MYT1L: variants seen among roughly 807,000 people sequenced by gnomAD.
MYT1L encodes myelin transcription factor 1-like protein.
A neutral mutation model predicts 126.7 loss-of-function variants in MYT1L; 12 were observed. That is an observed-to-expected ratio of 0.09 (90% confidence interval 0.06 to 0.15). MYT1L has a LOEUF of 0.15. MYT1L is among the 10% of genes least tolerant of loss of function. The pLI is 1.00. For missense variants in MYT1L, 979 were observed against 1,585.2 expected (o/e 0.62, Z 6.49); for synonymous variants, 541 against 604.2 (o/e 0.90, Z 1.53).
At chr2:1,985,855 G>A (rs1372594507) in intron 5 of MYT1L, among the ~76,000 whole-genome samples, 3 of 152,156 alleles carry the variant, frequency 2.0e-5, no homozygotes, top group Non-Finnish European at 2.9e-5. Context: ...GCACTAATTC[G>A]AGCACGGCAC....
intron 3 of MYT1L, among the ~76,000 whole-genome samples, chr2:2,076,182 A>G (rs529590492): frequency 6.6e-6 from 1 of 152,326 alleles, no homozygotes; most frequent in East Asian, 1.9e-4. Flanking sequence ...GAGAATATAG[A>G]CAACCACAGA....
chr2:1,971,149 C>T (rs1350759596), intron 8 of MYT1L, among the ~76,000 whole-genome samples: 1 of 152,130 alleles, frequency 6.6e-6, no homozygotes, highest in Non-Finnish European at 1.5e-5. Context: ...CACTGCACTC[C>T]AGCCTGGGGG....
At chr2:2,303,832 C>G (rs13388296) in intron 1 of MYT1L, 1 of 152,106 alleles carries the variant, frequency 6.6e-6, no homozygotes, top group Non-Finnish European at 1.5e-5. Flanking sequence ...CAGAGGACAA[C>G]GTATGTAACG....
At position 1,874,858 on chromosome 2, in the gene MYT1L, T is replaced by C. The variant is rs570175224; in HGVS notation, c.2711+11681A>G. Among the ~76,000 whole-genome samples, 8 of 152,270 alleles carry C rather than the reference T, an allele frequency of 5.3e-5. No individual in the cohort carries two copies. The East Asian group carries it at 9.7e-4, about 18-fold the overall frequency. On this transcript the variant is annotated intron_variant, in intron 18 of 24. Coordinates refer to ENST00000647738, the MANE Select transcript of MYT1L (RefSeq NM_001303052.2). ...GGGCAACGGGATTTTCAGGCTCGCG[T>C]GAACTTCTGACAATCTTGCCAGCCC...
chr2:2,221,312 T>TTGAGTCTGTGCACCTCTTGGATTA (rs1369435996), intron 2 of MYT1L, among the ~76,000 whole-genome samples: 11 of 152,116 alleles, frequency 7.2e-5, no homozygotes, highest in Non-Finnish European at 7.4e-5. Context: ...CTGGCATGGA[T>TTGAGTCTGTGCACCTCTTGGATTA]TGAGTCTGTG....
rs190799967 is a variant in MYT1L at position 1,891,919 on chromosome 2, G to T, written c.2283+118C>A. On this transcript the variant is annotated intron_variant, in intron 15 of 24. Transcript: ENST00000647738. ...GTTCACAGTGGCGAGAATGGTTTAG[G>T]AGATCACGGCGTTTGCCCCATACAG... The T allele has an allele frequency of 4.2e-6, 6 of 1,422,634 alleles. No individual in the cohort carries two copies. The East Asian group carries it at 1.5e-4, about 36-fold the overall frequency. The allele number at this position is 1,422,634 out of a possible 1,614,324, so 88.1% of individuals were successfully genotyped here.
chr2:1,871,938 G>A (rs932020047), intron 18 of MYT1L, among the ~76,000 whole-genome samples: 1 of 152,132 alleles, frequency 6.6e-6, no homozygotes, highest in Non-Finnish European at 1.5e-5. Flanking sequence ...AAACTCGGAA[G>A]CGCCACATGG....
intron 14 of MYT1L, among the ~76,000 whole-genome samples, chr2:1,899,776 G>A (rs1002530537): frequency 6.6e-6 from 1 of 152,232 alleles, no homozygotes; most frequent in African/African-American, 2.4e-5. Context: ...TCACTGGGCA[G>A]CAGTGTGTGT....
Position 1,889,550 on chromosome 2 carries a change from T to A in MYT1L, c.2284-73A>T, listed in dbSNP as rs2048575606. The stretch of plus-strand genomic sequence containing the variant: ...ACACCACGAGTCCTTCCTCCCAGAT[T>A]ACAGTCCTGCCGTCAGCCAGTGTAG... On this transcript the variant is annotated intron_variant, in intron 15 of 24. Coordinates refer to ENST00000647738, the MANE Select transcript of MYT1L (RefSeq NM_001303052.2). This position sits in a 1 kb window ranked among gnomAD's most constrained non-coding sequence, Gnocchi z 4.1. The A allele has an allele frequency of 1.6e-6, 2 of 1,243,120 alleles. No individual in the cohort carries two copies. Among genetic ancestry groups the A allele is most frequent in the South Asian group, 1.4e-5 (1 of 69,438 alleles). The allele number at this position is 1,243,120 out of a possible 1,614,324, so 77.0% of individuals were successfully genotyped here.
chr2:1,983,918 C>T (rs562101270), intron 5 of MYT1L, among the ~76,000 whole-genome samples: 3 of 152,274 alleles, frequency 2.0e-5, no homozygotes, highest in Non-Finnish European at 4.4e-5. Context: ...TAAAACTCCA[C>T]TTTAGCAGTA....
rs2070158546 is a variant in MYT1L, at chr2:2,059,860, CTT to C, written c.-303-5739_-303-5738del. Among the ~76,000 whole-genome samples, 1 of 152,114 alleles carries C rather than the reference CTT, an allele frequency of 6.6e-6. No homozygotes were observed. The highest frequency in any genetic ancestry group is 2.4e-5 in the African/African-American group (1 of 41,400). On this transcript the variant is annotated intron_variant, in intron 3 of 24. Coordinates refer to ENST00000647738, the MANE Select transcript of MYT1L (RefSeq NM_001303052.2). The surrounding 1 kb of genome is among the most constrained non-coding windows in gnomAD (Gnocchi z 4.7). The stretch of plus-strand genomic sequence containing the variant: ...GGAAGCTTTGGAGGCTGCAACACAT[CTT>C]GTGTTATGGTTTTCTCTTGACTCTG...
rs79113426 is a variant in MYT1L, at chr2:2,234,117, C to T, written c.-421+50287G>A. On this transcript the variant is annotated intron_variant, in intron 2 of 24. Transcript: ENST00000647738. ...AGGTCAAGAAGTGACATTTGTGAAA[C>T]GCACAGTCTATTTGTCTCTTTAATG... Among the ~76,000 whole-genome samples, 2,139 of 152,296 alleles carry T rather than the reference C, an allele frequency of 0.014. 106 individuals carry two copies. The East Asian group carries it at 0.15, about 11-fold the overall frequency.
chr2:1,981,176 A>T (rs1288155168), intron 5 of MYT1L, among the ~76,000 whole-genome samples: 1 of 152,226 alleles, frequency 6.6e-6, no homozygotes, highest in African/African-American at 2.4e-5. Flanking sequence ...ATAGCAACTA[A>T]CCAGCAGCTA....
intron 2 of MYT1L, among the ~76,000 whole-genome samples, chr2:2,272,028 A>G (rs912724350): frequency 2.6e-5 from 4 of 152,316 alleles, no homozygotes; most frequent in Non-Finnish European, 5.9e-5. Context: ...TGAACTCTGC[A>G]TCCTGGCGAG....
chr2:2,229,418 G>A (rs1345583070), intron 2 of MYT1L, among the ~76,000 whole-genome samples: 1 of 151,938 alleles, frequency 6.6e-6, no homozygotes, highest in Non-Finnish European at 1.5e-5. Flanking sequence ...CACTTATAAA[G>A]ATAGTCTCAT....
Position 1,956,619 on chromosome 2 carries a change from T to TCTATCTATCTAC in MYT1L, c.153-13286_153-13285insGTAGATAGATAG, listed in dbSNP as rs1240851045. On this transcript the variant is annotated intron_variant, in intron 8 of 24. Transcript: ENST00000647738. ...ATCTATCTATCTATCTATCTATCTA[T>TCTATCTATCTAC]CTACCTACCTACCTATCTAGCTATC... Among the ~76,000 whole-genome samples the TCTATCTATCTAC allele has an allele frequency of 1.7e-3, 229 of 134,356 alleles. 2 individuals are homozygous for TCTATCTATCTAC. The highest frequency in any genetic ancestry group is 3.7e-3 in the African/African-American group (132 of 35,450). The allele number at this position is 134,356 out of a possible 152,430, so 88.1% of individuals were successfully genotyped here.
At chr2:2,010,983 C>T (rs904987720) in intron 4 of MYT1L, among the ~76,000 whole-genome samples, 4 of 152,234 alleles carry the variant, frequency 2.6e-5, no homozygotes, top group African/African-American at 9.6e-5. Context: ...CTGAGTACTT[C>T]AGCCCAGTGA....
chr2:1,811,088 G>A lies in MYT1L; in HGVS notation c.3081-1921C>T, dbSNP rs563608356. The stretch of plus-strand genomic sequence containing the variant: ...TGTGAGGACAGAGTGAGAAGGCGTC[G>A]TCCACCAACCAGAGAGCAGCAGTTG... On this transcript the variant is annotated intron_variant, in intron 21 of 24. Transcript: ENST00000647738. This position sits in a 1 kb window ranked among gnomAD's most constrained non-coding sequence, Gnocchi z 4.4. 10 of 152,180 alleles carry A rather than the reference G, an allele frequency of 6.6e-5. No individual in the cohort carries two copies. The highest frequency in any genetic ancestry group is 4.2e-4 in the South Asian group (2 of 4,808). The allele number at this position is 152,180 out of a possible 1,614,324, so 9.4% of individuals were successfully genotyped here.
At chr2:1,973,603 C>G (rs755364772) in intron 8 of MYT1L, among the ~76,000 whole-genome samples, 1 of 152,230 alleles carries the variant, frequency 6.6e-6, no homozygotes, top group East Asian at 1.9e-4. Flanking sequence ...ATGAAATATT[C>G]TGGATGAATA....
Sources: gnomAD v4.1 joint callset for allele counts (sites outside exome capture counted in the v4.1 genomes callset) on GRCh38, gnomAD v4.1.1 for gene constraint, Gnocchi (gnomAD v3.1) non-coding constraint, MANE v1.5 for transcripts, NCBI Gene and HGNC (gene_info 2026-07-23, HGNC 2026-07-21) for gene names.